Variants in KLF15 observed in about 807,000 individuals in gnomAD.
The protein encoded by KLF15 is Krueppel-like factor 15.
A neutral mutation model predicts 24.6 loss-of-function variants in KLF15; 4 were observed. That is an observed-to-expected ratio of 0.16 (90% CI 0.08 to 0.37). The LOEUF (loss-of-function observed/expected upper bound fraction) is 0.37. KLF15 is among the 10% of genes least tolerant of loss of function. The pLI, the probability that KLF15 is intolerant of heterozygous loss-of-function variation, is 1.00. For synonymous variants in KLF15, 246 were observed against 236.3 expected, an observed-to-expected ratio of 1.04 and a Z score of -0.37; for missense variants, 496 against 560.6, an observed-to-expected ratio of 0.88 and a Z score of 1.16.
At chr3:126,299,388 T>C in the KLF15 span, among the ~76,000 whole-genome samples, 926 of 152,270 alleles carry the variant, frequency 6.1e-3, 10 homozygotes, top group African/African-American at 0.021. Context: ...TTATCGTATC[T>C]AGGAGCTTTT....
At position 126,342,769 on chromosome 3, in the gene KLF15, T is replaced by A. The variant is rs545174525; in HGVS notation, c.*958A>T. 6 of 152,626 alleles carry A rather than the reference T, an allele frequency of 3.9e-5. No individual in the cohort carries two copies. Among genetic ancestry groups the A allele is most frequent in the Admixed American group, 2.6e-4 (4 of 15,288 alleles). The allele number at this position is 152,626 out of a possible 1,614,324, so 9.5% of individuals were successfully genotyped here. On this transcript the variant is annotated 3_prime_UTR_variant, in exon 3 of 3. Transcript: ENST00000296233. ...TTTCAAATTTACACAAATGTTGATA[T>A]GTTATTAAAAGATATTTTATGTGGA...
At chr3:126,308,442 C>T in the KLF15 span, among the ~76,000 whole-genome samples, 5,413 of 145,142 alleles carry the variant, frequency 0.037, 321 homozygotes, top group African/African-American at 0.14. Context: ...CCCTGCTGGC[C>T]GCCAGGGGAC....
At chr3:126,335,028 A>G in the KLF15 span, among the ~76,000 whole-genome samples, 1 of 109,214 alleles carries the variant, frequency 9.2e-6, no homozygotes, top group African/African-American at 3.9e-5. Context: ...TTCTGAAACT[A>G]TTCCAATCAA....
At chr3:126,306,573 A>G in the KLF15 span, among the ~76,000 whole-genome samples, 1 of 152,246 alleles carries the variant, frequency 6.6e-6, no homozygotes, top group African/African-American at 2.4e-5. Flanking sequence ...TTTAACATAC[A>G]CATGCACACG....
the KLF15 span, among the ~76,000 whole-genome samples, chr3:126,301,489 A>G: frequency 6.6e-6 from 1 of 152,164 alleles, no homozygotes; most frequent in Non-Finnish European, 1.5e-5. Flanking sequence ...ACAGAGCACT[A>G]TAGGAATAAT....
the KLF15 span, among the ~76,000 whole-genome samples, chr3:126,326,918 G>A: frequency 6.6e-6 from 1 of 151,950 alleles, no homozygotes. Context: ...TCAAATTTTA[G>A]ATTTACAAGC....
intron 2 of KLF15, among the ~76,000 whole-genome samples, chr3:126,345,918 G>C (rs1310628532): frequency 6.6e-6 from 1 of 152,124 alleles, no homozygotes; most frequent in Non-Finnish European, 1.5e-5. Context: ...TGCCCTGCCT[G>C]TCAGAGGAGG....
At chr3:126,299,487 C>A in the KLF15 span, among the ~76,000 whole-genome samples, 5 of 152,048 alleles carry the variant, frequency 3.3e-5, no homozygotes, top group South Asian at 1.0e-3. Flanking sequence ...CGGTGGCTCA[C>A]GCCTGTAATC....
chr3:126,317,261 A>T, the KLF15 span, among the ~76,000 whole-genome samples: 1 of 152,206 alleles, frequency 6.6e-6, no homozygotes, highest in African/African-American at 2.4e-5. Flanking sequence ...ATAGGTAGCT[A>T]GTCAGACATG....
the KLF15 span, among the ~76,000 whole-genome samples, chr3:126,312,390 G>C: frequency 1.3e-5 from 2 of 152,128 alleles, no homozygotes; most frequent in South Asian, 4.1e-4. Context: ...GCCCAAGCTA[G>C]TCTCAAACTC....
At chr3:126,328,288 C>G in the KLF15 span, among the ~76,000 whole-genome samples, 1 of 152,054 alleles carries the variant, frequency 6.6e-6, no homozygotes, top group Non-Finnish European at 1.5e-5. Flanking sequence ...GAGTAGTATT[C>G]CATCATATAT....
the KLF15 span, among the ~76,000 whole-genome samples, chr3:126,297,996 C>G: frequency 2.0e-4 from 31 of 152,314 alleles, 1 homozygote; most frequent in African/African-American, 7.2e-4. Context: ...AATTGTAGTT[C>G]TACTTTTAGT....
At chr3:126,308,608 C>T in the KLF15 span, among the ~76,000 whole-genome samples, 1 of 152,168 alleles carries the variant, frequency 6.6e-6, no homozygotes, top group Admixed American at 6.5e-5. Context: ...CTTGGTGTGG[C>T]TGGTATTAGG....
At chr3:126,342,103 AG>A (rs2082483411), downstream of KLF15, among the ~76,000 whole-genome samples, 1 of 152,206 alleles carries the variant, frequency 6.6e-6, no homozygotes, top group African/African-American at 2.4e-5. Flanking sequence ...GATGGAGGAC[AG>A]GACGTAACTG....
At chr3:126,355,587 G>T (rs2082624192) in intron 1 of KLF15, among the ~76,000 whole-genome samples, 1 of 152,236 alleles carries the variant, frequency 6.6e-6, no homozygotes, top group Non-Finnish European at 1.5e-5. Context: ...TTTCTACTGT[G>T]GGAAACTATC....
At chr3:126,296,511 C>A in the KLF15 span, among the ~76,000 whole-genome samples, 1 of 152,262 alleles carries the variant, frequency 6.6e-6, no homozygotes, top group Non-Finnish European at 1.5e-5. Context: ...CAGACTGCAA[C>A]ATACATTCTT....
the KLF15 span, among the ~76,000 whole-genome samples, chr3:126,307,663 C>A: frequency 2.0e-5 from 3 of 152,128 alleles, no homozygotes; most frequent in Admixed American, 1.3e-4. Flanking sequence ...CATTAAAGAC[C>A]GGGATATTTC....
chr3:126,316,659 G>T, the KLF15 span, among the ~76,000 whole-genome samples: 1 of 148,106 alleles, frequency 6.8e-6, no homozygotes, highest in Admixed American at 6.6e-5. Flanking sequence ...GTAGGGAAGG[G>T]AGTGCACAGG....
chr3:126,315,171 C>A, the KLF15 span, among the ~76,000 whole-genome samples: 1 of 152,138 alleles, frequency 6.6e-6, no homozygotes, highest in Non-Finnish European at 1.5e-5. Context: ...GTCCAAATGT[C>A]CCCTTTTTAT....
Sources: allele counts gnomAD v4.1 joint callset (sites outside exome capture counted in the v4.1 genomes callset), GRCh38; gene constraint gnomAD v4.1.1; transcripts MANE v1.5; gene names NCBI Gene and HGNC (gene_info 2026-07-23, HGNC 2026-07-21).